Variants in CRACD observed in about 807,000 individuals in gnomAD.
CRACD encodes the protein capping protein inhibiting regulator of actin dynamics.
A neutral mutation model predicts 106.8 loss-of-function variants in CRACD; 56 were observed. That is an observed-to-expected ratio of 0.52 (90% CI 0.42 to 0.66). The LOEUF (loss-of-function observed/expected upper bound fraction) is 0.66, where lower values mean the gene tolerates loss of function less well. Ranked by LOEUF, CRACD falls within the 30% of genes least tolerant of loss-of-function variation. The pLI, the probability that CRACD is intolerant of heterozygous loss-of-function variation, is 0.00. For missense variants in CRACD, 1,730 were observed against 1,623.2 expected, an observed-to-expected ratio of 1.07 and a Z score of -1.13; for synonymous variants, 754 against 670.8, an observed-to-expected ratio of 1.12 and a Z score of -1.92.
At chr4:56,189,711 C>T (rs1417863310) in intron 2 of CRACD, among the ~76,000 whole-genome samples, 1 of 151,100 alleles carries the variant, frequency 6.6e-6, no homozygotes, top group African/African-American at 2.4e-5. Context: ...ATCCATGCCC[C>T]TACAAAGGAC....
intron 1 of CRACD, among the ~76,000 whole-genome samples, chr4:56,164,066 G>C (rs1470046415): frequency 6.6e-6 from 1 of 151,358 alleles, no homozygotes; most frequent in Admixed American, 6.6e-5. Context: ...TGGGCATTCT[G>C]ACACTTGTAG....
intron 1 of CRACD, among the ~76,000 whole-genome samples, chr4:56,156,044 A>T (rs1577698710): frequency 6.6e-6 from 1 of 152,002 alleles, no homozygotes; most frequent in East Asian, 1.9e-4. Flanking sequence ...GCTTACTGCA[A>T]CCTCCACCTC....
chr4:56,291,282 C>T (rs1176017809), intron 3 of CRACD, among the ~76,000 whole-genome samples: 1 of 152,138 alleles, frequency 6.6e-6, no homozygotes, highest in Admixed American at 6.5e-5. Context: ...CAATCAACTG[C>T]GAAAGGTCTT....
chr4:56,080,319 A>T (rs1297159784), intron 1 of CRACD, among the ~76,000 whole-genome samples: 1 of 152,084 alleles, frequency 6.6e-6, no homozygotes, highest in Non-Finnish European at 1.5e-5. Flanking sequence ...ATAAAACGGT[A>T]TTTTTTTTCC....
intron 3 of CRACD, among the ~76,000 whole-genome samples, chr4:56,290,575 A>G (rs895047487): frequency 6.6e-6 from 1 of 152,212 alleles, no homozygotes; most frequent in African/African-American, 2.4e-5. Context: ...GAGGCAGTGA[A>G]AAGTAGAGGG....
intron 3 of CRACD, among the ~76,000 whole-genome samples, chr4:56,283,086 C>T (rs1418501437): frequency 6.6e-6 from 1 of 152,188 alleles, no homozygotes; most frequent in Non-Finnish European, 1.5e-5. Flanking sequence ...ACCCAGCATA[C>T]ACCTCTGTCT....
At chr4:56,137,764 G>A (rs1735056048) in intron 1 of CRACD, among the ~76,000 whole-genome samples, 1 of 152,330 alleles carries the variant, frequency 6.6e-6, no homozygotes, top group South Asian at 2.1e-4. Flanking sequence ...GAGGCAGGAG[G>A]ATCACCTGAG....
chr4:56,329,205 G>A lies in CRACD; in HGVS notation c.*1401G>A, dbSNP rs1746650931. ...AGACATACTGGCAAACTCACATATT[G>A]CTGGTGCTAACCTTATATTTCATAG... On this transcript the variant is annotated 3_prime_UTR_variant, in exon 11 of 11. Transcript: ENST00000682029. 6.6e-6 allele frequency among the ~76,000 whole-genome samples: 1 copy of A among 152,136 alleles called. No homozygotes were observed.
intron 2 of CRACD, among the ~76,000 whole-genome samples, chr4:56,269,054 G>T (rs1357238136): frequency 6.6e-6 from 1 of 152,146 alleles, no homozygotes; most frequent in Non-Finnish European, 1.5e-5. Flanking sequence ...TTCTTGCATT[G>T]TTATAAAGAA....
At chr4:56,142,453 A>G (rs1296365509) in intron 1 of CRACD, among the ~76,000 whole-genome samples, 1 of 152,122 alleles carries the variant, frequency 6.6e-6, no homozygotes, top group Non-Finnish European at 1.5e-5. Context: ...CTGTTTCCCT[A>G]TATCCTGGAG....
chr4:56,323,537 C>G lies in CRACD; in HGVS notation c.3348C>G (p.Ala1116=). 2 of 1,589,568 alleles carry G rather than the reference C, an allele frequency of 1.3e-6. No individual in the cohort carries two copies. The highest frequency in any genetic ancestry group is 1.7e-6 in the Non-Finnish European group (2 of 1,173,744). Reference sequence around the variant, plus strand: ...AGGAGAGAAAGCAAGCCAGAGAGGCCAAACAGGCAGAAAAGCTCTCCAAAG... The same window carrying G: ...AGGAGAGAAAGCAAGCCAGAGAGGCGAAACAGGCAGAAAAGCTCTCCAAAG... ...TREERKQARE[A]KQAEKLSKEN... is the part of the protein sequence containing the mutation. Residue 1116 remains alanine, a synonymous_variant, in exon 9 of 11, where the codon GCC becomes GCG. Coordinates refer to ENST00000682029, the MANE Select transcript of CRACD (RefSeq NM_001393381.1).
At chr4:56,095,390 G>A (rs1327678029) in intron 1 of CRACD, among the ~76,000 whole-genome samples, 4 of 152,160 alleles carry the variant, frequency 2.6e-5, no homozygotes, top group East Asian at 1.9e-4. Flanking sequence ...GAGAAATAGC[G>A]ACGGCAGTAG....
chr4:56,319,069 A>G (rs1745877164), intron 8 of CRACD, among the ~76,000 whole-genome samples: 1 of 152,144 alleles, frequency 6.6e-6, no homozygotes, highest in African/African-American at 2.4e-5. Context: ...TCTATGCCAT[A>G]TGCCATTTGT....
chr4:56,232,858 G>A (rs1739721093), intron 2 of CRACD, among the ~76,000 whole-genome samples: 1 of 151,872 alleles, frequency 6.6e-6, no homozygotes, highest in Admixed American at 6.6e-5. Context: ...CCAAGTAGTT[G>A]GGATTACAGG....
intron 1 of CRACD, among the ~76,000 whole-genome samples, chr4:56,173,838 A>G (rs913073780): frequency 1.8e-4 from 27 of 152,188 alleles, no homozygotes; most frequent in African/African-American, 5.6e-4. Context: ...ATTCCTACCA[A>G]CAGGGTACAA....
intron 1 of CRACD, among the ~76,000 whole-genome samples, chr4:56,055,360 C>A (rs146885074): frequency 6.6e-6 from 1 of 151,930 alleles, no homozygotes; most frequent in African/African-American, 2.4e-5. Context: ...TAATTGTTAA[C>A]CCCTTGTTAA....
chr4:56,051,443 T>C (rs1204309852), intron 1 of CRACD, among the ~76,000 whole-genome samples: 1 of 152,160 alleles, frequency 6.6e-6, no homozygotes, highest in Non-Finnish European at 1.5e-5. Context: ...CTCCTGTAAC[T>C]GAGTGGCACA....
intron 1 of CRACD, among the ~76,000 whole-genome samples, chr4:56,067,128 GTCT>G (rs1732490067): frequency 2.0e-5 from 3 of 152,028 alleles, no homozygotes; most frequent in Admixed American, 1.3e-4. Flanking sequence ...AAGAATGGAA[GTCT>G]TCTTCTAGGA....
chr4:56,307,382 A>G (rs1180472432), intron 4 of CRACD, among the ~76,000 whole-genome samples, 153 bp from the exon 5 acceptor site: 1 of 152,200 alleles, frequency 6.6e-6, no homozygotes, highest in Non-Finnish European at 1.5e-5. Flanking sequence ...TTATTACAGG[A>G]TGGCATCATG....
Sources: allele counts gnomAD v4.1 joint callset (sites outside exome capture counted in the v4.1 genomes callset), GRCh38; gene constraint gnomAD v4.1.1; transcripts MANE v1.5; gene names NCBI Gene and HGNC (gene_info 2026-07-23, HGNC 2026-07-21).